Variants in DNAL1 observed in about 807,000 individuals in gnomAD.
The protein encoded by DNAL1 is dynein axonemal light chain 1, also known as chromosome 14 open reading frame 168.
DNAL1 carries 17 observed loss-of-function variants against 29.4 expected under a neutral mutation model. The observed-to-expected ratio is 0.58, with a 90% CI of 0.40 to 0.87. The LOEUF (loss-of-function observed/expected upper bound fraction) is 0.87. Among genes scored for constraint, DNAL1 ranks in the 40% least tolerant of loss-of-function variants. DNAL1 has a pLI of 0.00. For missense variants in DNAL1, 188 were observed against 214.1 expected (o/e 0.88, Z 0.76); for synonymous variants, 78 against 76.3 (o/e 1.02, Z -0.12).
intron 1 of DNAL1, among the ~76,000 whole-genome samples, chr14:73,647,396 AAAAGAAAT>A (rs1891006444): frequency 1.4e-5 from 2 of 144,198 alleles, no homozygotes; most frequent in South Asian, 4.2e-4. Flanking sequence ...AAGAAAAAGA[AAAAGAAAT>A]ATGTTTCACC....
Position 73,689,415 on chromosome 14 carries a change from C to A in DNAL1, c.432C>A (p.Asp144Glu), listed in dbSNP as rs1208595780. 1.3e-6 allele frequency: 2 copies of A among 1,555,028 alleles called. No homozygotes were observed. Among genetic ancestry groups the A allele is most frequent in the Admixed American group, 2.0e-5 (1 of 51,118 alleles). ...VKLAELPCLE[D>E]LVFVGNPLEE... is the part of the protein sequence containing the mutation. ...TGGCAGAACTGCCATGCCTCGAAGA[C>A]CTGGTGTTTGTAGGCAATCCCTTGG... Residue 144 changes from aspartate (D) to glutamate (E), a missense_variant, in exon 7 of 8, where the codon GAC becomes GAA. Transcript: ENST00000553645.
At chr14:73,665,130 TTAGA>T (rs1891447498) in intron 4 of DNAL1, among the ~76,000 whole-genome samples, 1 of 152,210 alleles carries the variant, frequency 6.6e-6, no homozygotes, top group East Asian at 1.9e-4. Context: ...GTTCTGCTCT[TTAGA>T]TAGTGAATTC....
intron 4 of DNAL1, among the ~76,000 whole-genome samples, chr14:73,667,576 G>A (rs968845722): frequency 6.6e-6 from 1 of 151,832 alleles, no homozygotes; most frequent in Non-Finnish European, 1.5e-5. Flanking sequence ...TCGGCTCACT[G>A]CAACCTCTAC....
At chr14:73,677,160 C>T (rs969190178) in intron 5 of DNAL1, among the ~76,000 whole-genome samples, 6 of 151,782 alleles carry the variant, frequency 4.0e-5, no homozygotes, top group Non-Finnish European at 2.9e-5. Context: ...TTAGTAGAGA[C>T]GTGATTTCAC....
chr14:73,654,627 C>T (rs1443343159), intron 1 of DNAL1, among the ~76,000 whole-genome samples: 5 of 151,994 alleles, frequency 3.3e-5, no homozygotes, highest in East Asian at 1.9e-4. Flanking sequence ...GGAGTGGTGG[C>T]GCGCACCTGT....
chr14:73,666,443 G>A (rs1425141492), intron 4 of DNAL1, among the ~76,000 whole-genome samples: 1 of 152,018 alleles, frequency 6.6e-6, no homozygotes, highest in African/African-American at 2.4e-5. Context: ...CAGGTTACAG[G>A]TTACAAATAA....
chr14:73,649,047 C>T (rs184454976), intron 1 of DNAL1, among the ~76,000 whole-genome samples: 60 of 152,090 alleles, frequency 3.9e-4, no homozygotes, highest in Non-Finnish European at 8.1e-4. Context: ...GCAGTCTGGG[C>T]TCACTGCATC....
At chr14:73,680,449 T>A (rs552225120) in intron 5 of DNAL1, among the ~76,000 whole-genome samples, 44 of 152,304 alleles carry the variant, frequency 2.9e-4, no homozygotes, top group Admixed American at 6.5e-4. Flanking sequence ...TCAGTAGAAT[T>A]CCATAGTTTT....
intron 5 of DNAL1, among the ~76,000 whole-genome samples, chr14:73,680,095 CCT>C (rs1891840719): frequency 6.6e-6 from 1 of 152,054 alleles, no homozygotes; most frequent in Non-Finnish European, 1.5e-5. Flanking sequence ...CAAGAAAAAT[CCT>C]CTCTCCTTTT....
At chr14:73,683,687 T>A (rs1891947074) in intron 5 of DNAL1, among the ~76,000 whole-genome samples, 4 of 150,294 alleles carry the variant, frequency 2.7e-5, no homozygotes, top group African/African-American at 5.0e-5. Context: ...CAGCTTTTTT[T>A]ATTTATTTAT....
intron 7 of DNAL1, among the ~76,000 whole-genome samples, chr14:73,692,649 G>A (rs1892202789): frequency 6.6e-6 from 1 of 151,568 alleles, no homozygotes; most frequent in African/African-American, 2.4e-5. Flanking sequence ...CACCAATGTA[G>A]AACTTGAATA....
At chr14:73,675,209 C>CAA (rs1250976259) in intron 5 of DNAL1, among the ~76,000 whole-genome samples, 107 of 150,650 alleles carry the variant, frequency 7.1e-4, no homozygotes, top group African/African-American at 2.5e-3. Context: ...CTCTCACACA[C>CAA]AAACACACAC....
rs1001040174 is a variant in DNAL1 at position 73,702,757 on chromosome 14, G to A, written c.*6815G>A. Reference sequence around the variant, plus strand: ...AAACGTAATTTTGGTCACAAAATAGGGCTGTAGTGTAGTTTCTACTTCTTA... The same window carrying A: ...AAACGTAATTTTGGTCACAAAATAGAGCTGTAGTGTAGTTTCTACTTCTTA... On this transcript the variant is annotated 3_prime_UTR_variant, in exon 8 of 8. Transcript: ENST00000553645. 1.3e-5 allele frequency: 2 copies of A among 152,096 alleles called. No individual in the cohort carries two copies. The highest frequency in any genetic ancestry group is 4.8e-5 in the African/African-American group (2 of 41,394). 9.4% of individuals were successfully genotyped at this position (152,096 alleles called of 1,614,324 possible).
intron 4 of DNAL1, among the ~76,000 whole-genome samples, chr14:73,662,329 TTGTC>T (rs1361520776): frequency 3.3e-5 from 5 of 152,202 alleles, no homozygotes; most frequent in Non-Finnish European, 5.9e-5. Flanking sequence ...CAGATTTGTA[TTGTC>T]TGTATTTCAA....
intron 5 of DNAL1, among the ~76,000 whole-genome samples, chr14:73,678,814 A>G (rs1891806617): frequency 1.3e-5 from 2 of 152,198 alleles, no homozygotes; most frequent in Non-Finnish European, 2.9e-5. Context: ...CATTGAGGAA[A>G]AACAATGAGG....
chr14:73,650,736 A>G (rs1184260160), intron 1 of DNAL1, among the ~76,000 whole-genome samples: 1 of 152,048 alleles, frequency 6.6e-6, no homozygotes, highest in Non-Finnish European at 1.5e-5. Flanking sequence ...TCAGCCTCCA[A>G]AAGTCCTGGG....
chr14:73,661,774 T>C (rs574314643), intron 3 of DNAL1, among the ~76,000 whole-genome samples: 1 of 152,200 alleles, frequency 6.6e-6, no homozygotes, highest in South Asian at 2.1e-4. Flanking sequence ...TAATACCATA[T>C]TGCCCTCAAG....
intron 1 of DNAL1, among the ~76,000 whole-genome samples, chr14:73,650,648 T>C (rs1239696942): frequency 6.6e-6 from 1 of 152,176 alleles, no homozygotes; most frequent in African/African-American, 2.4e-5. Flanking sequence ...TTATTTTTTA[T>C]TTTATTTTTG....
intron 1 of DNAL1, among the ~76,000 whole-genome samples, chr14:73,649,341 G>A (rs1278765322): frequency 6.7e-6 from 1 of 150,330 alleles, no homozygotes; most frequent in Non-Finnish European, 1.5e-5. Flanking sequence ...GGAGTGCAGT[G>A]GCGCGATCTC....
Sources: allele counts gnomAD v4.1 joint callset (sites outside exome capture counted in the v4.1 genomes callset), GRCh38; gene constraint gnomAD v4.1.1; transcripts MANE v1.5; gene names NCBI Gene and HGNC (gene_info 2026-07-23, HGNC 2026-07-21).